Variants in LEKR1 observed in about 807,000 individuals in gnomAD.
The protein encoded by LEKR1 is leucine, glutamate and lysine rich 1, also known as protein LEKR1.
In LEKR1, 59 loss-of-function variants were observed where a neutral mutation model predicts 72.4. The ratio of observed to expected loss-of-function variants is 0.82; its 90% confidence interval spans 0.66 to 1.01. The LOEUF (loss-of-function observed/expected upper bound fraction) is 1.01. Ranked by LOEUF, LEKR1 falls within the 50% of genes least tolerant of loss-of-function variation. The pLI is 0.00. For missense variants in LEKR1, 728 were observed against 759.2 expected (o/e 0.96, Z 0.48); for synonymous variants, 257 against 263.2 (o/e 0.98, Z 0.23).
At chr3:156,886,099 T>TTTTA (rs1720030901) in intron 3 of LEKR1, among the ~76,000 whole-genome samples, 1 of 152,144 alleles carries the variant, frequency 6.6e-6, no homozygotes, top group Non-Finnish European at 1.5e-5. Flanking sequence ...TAGGCAGGTC[T>TTTTA]GGGTTCAGAC....
intron 12 of LEKR1, among the ~76,000 whole-genome samples, chr3:157,041,165 T>A (rs1735314263): frequency 6.6e-6 from 1 of 152,136 alleles, no homozygotes; most frequent in East Asian, 1.9e-4. Flanking sequence ...TCTGAAAATG[T>A]TGTAGTGATA....
At chr3:156,829,744 G>A (rs1190522723) in intron 2 of LEKR1, among the ~76,000 whole-genome samples, 1 of 152,154 alleles carries the variant, frequency 6.6e-6, no homozygotes, top group Non-Finnish European at 1.5e-5. Flanking sequence ...GCCAAGCACT[G>A]TTTTAAGCCC....
At chr3:156,985,842 CAAA>C (rs34169262) in intron 7 of LEKR1, among the ~76,000 whole-genome samples, 5,043 of 119,438 alleles carry the variant, frequency 0.042, 270 homozygotes, top group African/African-American at 0.14. Context: ...GACTCTGTGT[CAAA>C]AAAAAAAAAA....
At chr3:157,029,455 A>C (rs1734445047) in intron 12 of LEKR1, among the ~76,000 whole-genome samples, 1 of 152,168 alleles carries the variant, frequency 6.6e-6, no homozygotes, top group Non-Finnish European at 1.5e-5. Context: ...TGGAGCCAAG[A>C]TTCAAATTCG....
intron 9 of LEKR1, among the ~76,000 whole-genome samples, chr3:156,995,423 T>C (rs1731484678): frequency 6.6e-6 from 1 of 152,234 alleles, no homozygotes; most frequent in Non-Finnish European, 1.5e-5. Context: ...TTCTTTTTTT[T>C]CTTGTATTAT....
At chr3:157,020,393 G>T (rs1733728795) in intron 10 of LEKR1, among the ~76,000 whole-genome samples, 1 of 140,904 alleles carries the variant, frequency 7.1e-6, no homozygotes, top group Admixed American at 7.2e-5. Flanking sequence ...TCGTCATTTA[G>T]CATTGGGTAT....
chr3:156,856,714 AT>A (rs2108540067), intron 3 of LEKR1, among the ~76,000 whole-genome samples: 1 of 152,026 alleles, frequency 6.6e-6, no homozygotes, highest in African/African-American at 2.4e-5. Context: ...TTTTTATTAC[AT>A]TTTTTTGAAT....
intron 2 of LEKR1, among the ~76,000 whole-genome samples, chr3:156,837,605 A>G (rs536957295): frequency 2.6e-5 from 4 of 152,322 alleles, no homozygotes; most frequent in East Asian, 1.9e-4. Context: ...GCCCCTCTCC[A>G]TGACAGAAGA....
chr3:157,039,215 C>CTT, intron 12 of LEKR1, among the ~76,000 whole-genome samples: 1 of 152,156 alleles, frequency 6.6e-6, no homozygotes, highest in Admixed American at 6.5e-5. Context: ...TTCTTACATA[C>CTT]TTTTTAAAAA....
chr3:156,991,489 T>C (rs1429081024), intron 7 of LEKR1, among the ~76,000 whole-genome samples: 1 of 152,126 alleles, frequency 6.6e-6, no homozygotes, highest in African/African-American at 2.4e-5. Context: ...TAATTCATTG[T>C]GTGATTTACA....
chr3:156,915,040 A>G (rs1723489262), intron 3 of LEKR1, among the ~76,000 whole-genome samples: 1 of 151,826 alleles, frequency 6.6e-6, no homozygotes, highest in African/African-American at 2.4e-5. Flanking sequence ...AACATGTGGT[A>G]TTTGCTTTCC....
chr3:156,915,152 C>T (rs187052156), intron 3 of LEKR1, among the ~76,000 whole-genome samples: 4 of 151,922 alleles, frequency 2.6e-5, no homozygotes, highest in East Asian at 3.9e-4. Context: ...TCCAATCTGT[C>T]GTTAATGGGC....
In LEKR1 at chr3:156,924,557, T is replaced by C. The variant is rs1002378809; in HGVS notation, c.384-2872T>C. The C allele has an allele frequency of 2.1e-5, 14 of 662,230 alleles. No homozygotes were observed. The South Asian group carries it at 2.2e-4, about 10-fold the overall frequency. The allele number at this position is 662,230 out of a possible 1,614,324, so 41.0% of individuals were successfully genotyped here. ...AGCCGGTCAGAAGGATTTTCTCCTG[T>C]ATTTTCTTCTAAGTGTTTTATAGTT... On this transcript the variant is annotated intron_variant, in intron 4 of 12. Coordinates refer to ENST00000356539, the MANE Select transcript of LEKR1 (RefSeq NM_001004316.3).
intron 3 of LEKR1, among the ~76,000 whole-genome samples, chr3:156,897,281 G>T (rs1417262113): frequency 6.6e-6 from 1 of 152,122 alleles, no homozygotes; most frequent in Non-Finnish European, 1.5e-5. Context: ...ATGTCATAGG[G>T]CTCCACCTTC....
At chr3:156,831,566 C>T (rs1291618974) in intron 2 of LEKR1, among the ~76,000 whole-genome samples, 4 of 152,154 alleles carry the variant, frequency 2.6e-5, no homozygotes, top group African/African-American at 7.2e-5. Context: ...TTAATTGGCT[C>T]ACAGTTCCAC....
At chr3:156,870,315 C>T (rs1453878078) in intron 3 of LEKR1, among the ~76,000 whole-genome samples, 1 of 152,018 alleles carries the variant, frequency 6.6e-6, no homozygotes, top group Non-Finnish European at 1.5e-5. Flanking sequence ...TTTAATGATA[C>T]TAATTTTTCT....
chr3:156,965,814 G>C (rs1728509093), intron 6 of LEKR1, among the ~76,000 whole-genome samples: 1 of 152,116 alleles, frequency 6.6e-6, no homozygotes, highest in African/African-American at 2.4e-5. Context: ...ATGTTAATTT[G>C]ATATTGACAC....
At chr3:156,868,521 T>C (rs1717561285) in intron 3 of LEKR1, among the ~76,000 whole-genome samples, 1 of 151,712 alleles carries the variant, frequency 6.6e-6, no homozygotes, top group Non-Finnish European at 1.5e-5. Context: ...AGAGGAAAAA[T>C]GAAAAATTAC....
At chr3:156,881,373 C>G (rs1417863837) in intron 3 of LEKR1, among the ~76,000 whole-genome samples, 1 of 151,946 alleles carries the variant, frequency 6.6e-6, no homozygotes, top group East Asian at 1.9e-4. Flanking sequence ...AACAGAGAGC[C>G]AAATCATGAG....
Sources: gnomAD v4.1 joint callset for allele counts (sites outside exome capture counted in the v4.1 genomes callset) on GRCh38, gnomAD v4.1.1 for gene constraint, MANE v1.5 for transcripts, NCBI Gene and HGNC (gene_info 2026-07-23, HGNC 2026-07-21) for gene names.